ZBTB20: variants seen among roughly 807,000 people sequenced by gnomAD.
ZBTB20 encodes the protein zinc finger and BTB domain containing 20.
Under a neutral mutation model 56.9 loss-of-function variants are expected in ZBTB20, and 9 were observed. That is an observed-to-expected ratio of 0.16 (90% CI 0.10 to 0.28). The LOEUF (loss-of-function observed/expected upper bound fraction) is 0.28. Among genes scored for constraint, ZBTB20 ranks in the 10% least tolerant of loss-of-function variants. The pLI, the probability that ZBTB20 is intolerant of heterozygous loss-of-function variation, is 1.00. For synonymous variants in ZBTB20, 417 were observed against 420.7 expected (o/e 0.99, Z 0.11); for missense variants, 655 against 1,003.0 (o/e 0.65, Z 4.69).
At chr3:115,115,027 T>C (rs576988041) in intron 1 of ZBTB20, among the ~76,000 whole-genome samples, 106 of 152,232 alleles carry the variant, frequency 7.0e-4, no homozygotes, top group Non-Finnish European at 1.3e-3. Flanking sequence ...CCATTCTCCA[T>C]CTTATTACAA....
intron 3 of ZBTB20, among the ~76,000 whole-genome samples, chr3:114,918,020 G>A (rs2075815634): frequency 6.6e-6 from 1 of 152,066 alleles, no homozygotes; most frequent in African/African-American, 2.4e-5. Context: ...AAGATCCAGG[G>A]CCTGGAGTAA....
intron 4 of ZBTB20, among the ~76,000 whole-genome samples, chr3:114,870,589 C>T (rs1218454106): frequency 2.0e-5 from 3 of 151,574 alleles, no homozygotes; most frequent in Non-Finnish European, 4.4e-5. Context: ...AACAAAGTTG[C>T]TGCACAGGTA....
chr3:115,099,059 C>T (rs1182898326), intron 1 of ZBTB20, among the ~76,000 whole-genome samples: 2 of 151,976 alleles, frequency 1.3e-5, no homozygotes, highest in African/African-American at 4.8e-5. Flanking sequence ...TTTCAAATGG[C>T]CCTTATTAAA....
At chr3:114,499,514 G>C (rs1276680195) in intron 7 of ZBTB20, among the ~76,000 whole-genome samples, 1 of 152,202 alleles carries the variant, frequency 6.6e-6, no homozygotes. Context: ...GTGAGAAGCA[G>C]CCAGAGGATA....
chr3:115,018,474 T>C lies in ZBTB20; in HGVS notation c.-506-44058A>G, dbSNP rs188577477. On this transcript the variant is annotated intron_variant, in intron 2 of 11. Transcript: ENST00000675478. The stretch of plus-strand genomic sequence containing the variant: ...CATCTTTTGTTCTTTGATCTCCACA[T>C]GAGCAGAGACACATAAAGTGGCAAT... 5.2e-4 allele frequency among the ~76,000 whole-genome samples: 79 copies of C among 151,548 alleles called. 1 individual carries two copies. Among genetic ancestry groups the C allele is most frequent in the Non-Finnish European group, 7.0e-4 (47 of 67,602 alleles).
chr3:114,327,568 G>A lies in ZBTB20; in HGVS notation c.*11437C>T, dbSNP rs930005492. The A allele has an allele frequency of 6.6e-6, 1 of 152,066 alleles. No homozygotes were observed. Among genetic ancestry groups the A allele is most frequent in the African/African-American group, 2.4e-5 (1 of 41,400 alleles). 9.4% of individuals were successfully genotyped at this position (152,066 alleles called of 1,614,324 possible). ...GTAAATATTGCCTTTAAGAGATGTT[G>A]TTTTCCTACTAGATGCATGCCTCAT... On this transcript the variant is annotated 3_prime_UTR_variant, in exon 12 of 12. Transcript: ENST00000675478.
At chr3:114,582,944 T>C (rs565570996) in intron 6 of ZBTB20, among the ~76,000 whole-genome samples, 3 of 152,348 alleles carry the variant, frequency 2.0e-5, no homozygotes, top group South Asian at 2.1e-4. Context: ...GAGGGATATA[T>C]TGTTGATATA....
intron 6 of ZBTB20, among the ~76,000 whole-genome samples, chr3:114,554,112 C>T (rs2050910925): frequency 6.6e-6 from 1 of 152,060 alleles, no homozygotes; most frequent in South Asian, 2.1e-4. Flanking sequence ...ACAGCTTATC[C>T]CTTTATTCTT....
intron 4 of ZBTB20, 74 bp from the exon 5 acceptor site, chr3:114,801,248 T>C (rs1039065655): frequency 1.3e-5 from 2 of 149,728 alleles, no homozygotes; most frequent in Non-Finnish European, 3.0e-5. Context: ...TAAACTTTCA[T>C]AATGTTTCAC....
At chr3:114,892,390 A>T (rs915616462) in intron 4 of ZBTB20, among the ~76,000 whole-genome samples, 2 of 152,220 alleles carry the variant, frequency 1.3e-5, no homozygotes, top group Non-Finnish European at 2.9e-5. Flanking sequence ...TTGTCTAATG[A>T]TAAGAGAGCC....
At chr3:114,565,165 A>G (rs2052566758) in intron 6 of ZBTB20, among the ~76,000 whole-genome samples, 1 of 152,232 alleles carries the variant, frequency 6.6e-6, no homozygotes, top group Admixed American at 6.5e-5. Context: ...AATGGCTTTT[A>G]AAAACGATGT....
At chr3:114,384,169 TCCAACC>T (rs1270292059) in intron 8 of ZBTB20, among the ~76,000 whole-genome samples, 1 of 150,718 alleles carries the variant, frequency 6.6e-6, no homozygotes, top group Non-Finnish European at 1.5e-5. Flanking sequence ...TCTCTCTCTC[TCCAACC>T]CCTTCCTCCT....
At chr3:114,408,459 T>C (rs1284004228) in intron 7 of ZBTB20, among the ~76,000 whole-genome samples, 1 of 152,158 alleles carries the variant, frequency 6.6e-6, no homozygotes, top group Non-Finnish European at 1.5e-5. Context: ...CTTTCCATAA[T>C]CACGAGAGAA....
At chr3:114,592,763 C>T (rs75795358) in intron 6 of ZBTB20, among the ~76,000 whole-genome samples, 14,260 of 152,138 alleles carry the variant, frequency 0.094, 773 homozygotes, top group African/African-American at 0.14. Context: ...CTAATCTATT[C>T]TTTTGTCCAA....
chr3:114,370,991 C>G (rs2082940533), intron 10 of ZBTB20, among the ~76,000 whole-genome samples: 2 of 152,214 alleles, frequency 1.3e-5, no homozygotes, highest in South Asian at 2.1e-4. Flanking sequence ...CCGCCCCCTT[C>G]AGGTCACCAA....
chr3:114,909,209 C>G (rs932040893), intron 3 of ZBTB20, among the ~76,000 whole-genome samples: 2 of 151,792 alleles, frequency 1.3e-5, no homozygotes, highest in African/African-American at 4.8e-5. Context: ...ATGGATGATC[C>G]CGACCCTGTG....
intron 1 of ZBTB20, among the ~76,000 whole-genome samples, chr3:115,096,017 T>C (rs892993824): frequency 3.3e-5 from 5 of 152,204 alleles, no homozygotes; most frequent in African/African-American, 1.2e-4. Context: ...TTTTGTAAAA[T>C]ACCTACACAC....
At chr3:114,753,802 T>C (rs552135474) in intron 5 of ZBTB20, among the ~76,000 whole-genome samples, 8 of 152,184 alleles carry the variant, frequency 5.3e-5, no homozygotes, top group African/African-American at 1.9e-4. Context: ...TTCATGAAAG[T>C]AGAAACTTTA....
intron 1 of ZBTB20, among the ~76,000 whole-genome samples, chr3:115,118,095 G>A (rs62267521): frequency 6.6e-6 from 1 of 152,286 alleles, no homozygotes; most frequent in South Asian, 2.1e-4. Context: ...CATATATAAA[G>A]TGTTTAACCC....
Sources: gnomAD v4.1 joint callset for allele counts (sites outside exome capture counted in the v4.1 genomes callset) on GRCh38, gnomAD v4.1.1 for gene constraint, MANE v1.5 for transcripts, NCBI Gene and HGNC (gene_info 2026-07-23, HGNC 2026-07-21) for gene names.